The following TEX2 variants were observed in gnomAD, a reference collection of about 807,000 sequenced individuals.
The protein encoded by TEX2 is testis expressed 2.
In TEX2, 53 loss-of-function variants were observed where a neutral mutation model predicts 106.9. The ratio of observed to expected loss-of-function variants is 0.50; its 90% CI spans 0.40 to 0.62. The LOEUF is 0.62. Ranked by LOEUF, TEX2 falls within the 20% of genes least tolerant of loss-of-function variation. The pLI is 0.00. For synonymous variants in TEX2, 523 were observed against 534.8 expected (o/e 0.98, Z 0.30); for missense variants, 1,207 against 1,379.0 (o/e 0.88, Z 1.98).
chr17:64,230,541 A>G (rs2033633446), intron 1 of TEX2: 1 of 152,290 alleles, frequency 6.6e-6, no homozygotes, highest in Admixed American at 6.5e-5. Flanking sequence ...AGGATTGCCC[A>G]CTGATGAGAT....
intron 4 of TEX2, 123 bp from the exon 5 acceptor site, chr17:64,188,538 T>A (rs1056741458): frequency 1.2e-5 from 17 of 1,461,798 alleles, no homozygotes; most frequent in Admixed American, 4.3e-5. Context: ...TATAAGGGGC[T>A]GGGCATGGTG....
intron 8 of TEX2, 88 bp from the exon 9 acceptor site, chr17:64,155,055 A>T: frequency 1.4e-6 from 2 of 1,396,912 alleles, no homozygotes; most frequent in Non-Finnish European, 1.9e-6. Context: ...ACACACACTC[A>T]ACCACAACAG....
At chr17:64,258,554 T>G (rs890655868) in intron 1 of TEX2, among the ~76,000 whole-genome samples, 6 of 152,326 alleles carry the variant, frequency 3.9e-5, no homozygotes, top group African/African-American at 1.4e-4. Context: ...CCGTAAATGA[T>G]AGTTACTCAC....
At chr17:64,187,966 T>A (rs1385567926) in intron 5 of TEX2, among the ~76,000 whole-genome samples, 1 of 152,360 alleles carries the variant, frequency 6.6e-6, no homozygotes, top group South Asian at 2.1e-4. Flanking sequence ...TGTCTGACTT[T>A]ATTTTCATTC....
At chr17:64,212,457 T>G (rs2033031134) in intron 2 of TEX2, 117 bp downstream of exon 2, 1 of 973,522 alleles carries the variant, frequency 1.0e-6, no homozygotes, top group East Asian at 2.4e-5. Context: ...CCCCAAGCTC[T>G]TAAAAAACAC....
chr17:64,210,112 T>C (rs959505124), intron 2 of TEX2, among the ~76,000 whole-genome samples: 4 of 152,168 alleles, frequency 2.6e-5, no homozygotes, highest in Admixed American at 1.3e-4. Context: ...ATAAGCGCAA[T>C]TTTTCCTTGC....
At chr17:64,196,157 C>CA (rs1274454184) in intron 2 of TEX2, among the ~76,000 whole-genome samples, 3 of 152,202 alleles carry the variant, frequency 2.0e-5, no homozygotes, top group Non-Finnish European at 4.4e-5. Context: ...AGAATTCTTT[C>CA]ATTCATCCTT....
At chr17:64,206,859 C>T (rs1364957118) in intron 2 of TEX2, among the ~76,000 whole-genome samples, 3 of 152,076 alleles carry the variant, frequency 2.0e-5, no homozygotes, top group East Asian at 1.9e-4. Context: ...CCATCACACC[C>T]GGCCTCTTTT....
chr17:64,206,070 A>ATTTT (rs2032818799), intron 2 of TEX2, among the ~76,000 whole-genome samples: 2 of 152,228 alleles, frequency 1.3e-5, no homozygotes, highest in Non-Finnish European at 2.9e-5. Flanking sequence ...TGAATTAAAA[A>ATTTT]TAATCCTGGG....
In TEX2 at chr17:64,153,262, G is replaced by C; in HGVS notation, c.2931-108C>G. ...ACTTTAGAGCACCACTCGATGTTTT[G>C]GATGTGGTGATTCTGTGTTGGGGCG... On this transcript the variant is annotated intron_variant, in intron 9 of 11. Coordinates refer to ENST00000584379, the MANE Select transcript of TEX2 (RefSeq NM_001288732.2). The surrounding 1 kb of genome is among the most constrained non-coding windows in gnomAD (Gnocchi z 4.1). 1 of 768,898 alleles carries C rather than the reference G, an allele frequency of 1.3e-6. No individual in the cohort carries two copies. The highest frequency in any genetic ancestry group is 1.8e-5 in the South Asian group (1 of 56,446). 47.6% of individuals were successfully genotyped at this position (768,898 alleles called of 1,614,324 possible).
chr17:64,205,456 T>C lies in TEX2; in HGVS notation c.1644+7118A>G, dbSNP rs1339274581. ...AGGATATTTTCAGTAAAGTATAATG[T>C]AGAAAGAAATGCACTCACATTTCTT... On this transcript the variant is annotated intron_variant, in intron 2 of 11. Coordinates refer to ENST00000584379, the MANE Select transcript of TEX2 (RefSeq NM_001288732.2). The surrounding 1 kb of genome is among the most constrained non-coding windows in gnomAD (Gnocchi z 4.0). Among the ~76,000 whole-genome samples, 1 of 152,180 alleles carries C rather than the reference T, an allele frequency of 6.6e-6. No homozygotes were observed. Among genetic ancestry groups the C allele is most frequent in the Non-Finnish European group, 1.5e-5 (1 of 68,032 alleles).
intron 2 of TEX2, among the ~76,000 whole-genome samples, chr17:64,201,137 T>A (rs2032647321): frequency 6.6e-6 from 1 of 152,158 alleles, no homozygotes; most frequent in Admixed American, 6.5e-5. Flanking sequence ...CCAACTCACC[T>A]ACCTTAGCAG....
At chr17:64,219,102 A>G (rs2033276642) in intron 1 of TEX2, among the ~76,000 whole-genome samples, 1 of 152,200 alleles carries the variant, frequency 6.6e-6, no homozygotes, top group Non-Finnish European at 1.5e-5. Context: ...TGAGGAAACA[A>G]GACTAAGGAC....
chr17:64,188,589 G>C, intron 4 of TEX2, 174 bp from the exon 5 acceptor site: 3 of 980,136 alleles, frequency 3.1e-6, no homozygotes, highest in Non-Finnish European at 4.4e-6. Flanking sequence ...GGCCGAGGCG[G>C]GCGGATCACG....
chr17:64,182,709 A>G (rs1383438885), intron 5 of TEX2, among the ~76,000 whole-genome samples: 1 of 152,174 alleles, frequency 6.6e-6, no homozygotes, highest in Non-Finnish European at 1.5e-5. Context: ...TTTCCTATAA[A>G]TGAAGTCATA....
chr17:64,181,472 C>CAA (rs759988777), intron 5 of TEX2, among the ~76,000 whole-genome samples: 9 of 25,424 alleles, frequency 3.5e-4, no homozygotes, highest in African/African-American at 1.7e-3. Context: ...AAGGCTATCT[C>CAA]AAAAAAAAAA....
rs545893734 is a variant in TEX2 at position 64,164,085 on chromosome 17, T to C, written c.2672-3152A>G. Among the ~76,000 whole-genome samples the C allele has an allele frequency of 2.0e-5, 3 of 152,232 alleles. No homozygotes were observed. In the East Asian group the frequency reaches 5.8e-4, roughly 29 times the overall value. ...CATACGAAGGGTCTATTCCACATCA[T>C]GTTGAGAGGTTGTCCAGTGGTAACC... On this transcript the variant is annotated intron_variant, in intron 7 of 11. Coordinates refer to ENST00000584379, the MANE Select transcript of TEX2 (RefSeq NM_001288732.2).
At chr17:64,245,716 G>A (rs1412187479) in intron 1 of TEX2, among the ~76,000 whole-genome samples, 1 of 152,060 alleles carries the variant, frequency 6.6e-6, no homozygotes, top group Non-Finnish European at 1.5e-5. Flanking sequence ...GGAATATACT[G>A]CATATTTTGG....
intron 11 of TEX2, 35 bp downstream of exon 11, chr17:64,150,806 T>G: frequency 6.3e-7 from 1 of 1,591,858 alleles, no homozygotes; most frequent in South Asian, 1.2e-5. Context: ...GCTTCTATAC[T>G]TGGTGTGAAA....
Sources: gnomAD v4.1 joint callset for allele counts (sites outside exome capture counted in the v4.1 genomes callset) on GRCh38, gnomAD v4.1.1 for gene constraint, Gnocchi (gnomAD v3.1) non-coding constraint, MANE v1.5 for transcripts, NCBI Gene and HGNC (gene_info 2026-07-23, HGNC 2026-07-21) for gene names.